Variants in PXDNL observed in about 807,000 individuals in gnomAD.
PXDNL encodes the protein peroxidasin like.
In PXDNL, 145 loss-of-function variants were observed where a neutral mutation model predicts 150.8. That is an observed-to-expected ratio of 0.96 (90% CI 0.84 to 1.10). The LOEUF (loss-of-function observed/expected upper bound fraction) is 1.10, where lower values mean the gene tolerates loss of function less well. Among genes scored for constraint, PXDNL ranks in the 50% least tolerant of loss-of-function variants. The pLI, the probability that PXDNL is intolerant of heterozygous loss-of-function variation, is 0.00. For missense variants in PXDNL, 2,087 were observed against 1,873.9 expected, an observed-to-expected ratio of 1.11 and a Z score of -2.10; for synonymous variants, 757 against 725.7, an observed-to-expected ratio of 1.04 and a Z score of -0.69.
intron 4 of PXDNL, among the ~76,000 whole-genome samples, chr8:51,512,365 A>C (rs1444452132): frequency 6.6e-6 from 1 of 152,210 alleles, no homozygotes; most frequent in Non-Finnish European, 1.5e-5. Context: ...AGAGAAGCAC[A>C]GAGAGAAATC....
chr8:51,668,176 C>CTTTTTTTTTTTT (rs71550279), intron 1 of PXDNL, among the ~76,000 whole-genome samples: 6,804 of 77,222 alleles, frequency 0.088, 1,971 homozygotes, highest in African/African-American at 0.19. Flanking sequence ...CTCGCTCTCT[C>CTTTTTTTTTTTT]TTTTTTTTTT....
chr8:51,766,638 C>T lies in PXDNL; in HGVS notation c.164+42543G>A, dbSNP rs117570892. ...TTGTTTGACAGTCATTTTCTTTCTA[C>T]GCTTTGAGTATGTCATCCCACTGCC... On this transcript the variant is annotated intron_variant, in intron 1 of 22. Transcript: ENST00000356297. Among the ~76,000 whole-genome samples, 61 of 152,196 alleles carry T rather than the reference C, an allele frequency of 4.0e-4. No individual in the cohort carries two copies. In the South Asian group the frequency reaches 5.8e-3, roughly 14 times the overall value.
chr8:51,746,618 G>A (rs989803369), intron 1 of PXDNL, among the ~76,000 whole-genome samples: 2 of 152,144 alleles, frequency 1.3e-5, no homozygotes, highest in Non-Finnish European at 2.9e-5. Context: ...CGTTTATCTC[G>A]GGGCTGTGGT....
intron 14 of PXDNL, among the ~76,000 whole-genome samples, chr8:51,422,251 T>G (rs1808974130): frequency 6.6e-6 from 1 of 152,182 alleles, no homozygotes; most frequent in Middle Eastern, 3.4e-3. Flanking sequence ...TACAATGTAA[T>G]AATAATAGAT....
At chr8:51,800,345 A>T (rs1585760120) in intron 1 of PXDNL, among the ~76,000 whole-genome samples, 2 of 152,152 alleles carry the variant, frequency 1.3e-5, no homozygotes, top group East Asian at 3.9e-4. Flanking sequence ...CCCTGAAGGA[A>T]CTCAGTCTCT....
rs543128955 is a variant in PXDNL, at chr8:51,355,965, A to G, written c.3902-10018T>C. On this transcript the variant is annotated intron_variant, in intron 19 of 22. Transcript: ENST00000356297. The stretch of plus-strand genomic sequence containing the variant: ...GTGAAAGAGATTTGGAGAAAATTAC[A>G]GAAAGTATAACGAAAGGAAAACTAA... Among the ~76,000 whole-genome samples the G allele has an allele frequency of 5.3e-5, 8 of 152,370 alleles. No individual in the cohort carries two copies. The South Asian group carries it at 1.7e-3, about 32-fold the overall frequency.
intron 2 of PXDNL, among the ~76,000 whole-genome samples, chr8:51,611,755 C>G (rs1814007673): frequency 6.6e-6 from 1 of 151,862 alleles, no homozygotes; most frequent in African/African-American, 2.4e-5. Flanking sequence ...GGGAGCACGG[C>G]TTTCTGGAAG....
chr8:51,717,726 C>T (rs1433656921), intron 1 of PXDNL, among the ~76,000 whole-genome samples: 2 of 152,190 alleles, frequency 1.3e-5, no homozygotes, highest in Non-Finnish European at 2.9e-5. Flanking sequence ...TGAGTGGGGC[C>T]AGGATAGGCC....
At chr8:51,609,920 G>A (rs184952945) in intron 2 of PXDNL, among the ~76,000 whole-genome samples, 125 of 152,276 alleles carry the variant, frequency 8.2e-4, no homozygotes, top group Admixed American at 5.4e-3. Flanking sequence ...GGGGTTCTCT[G>A]TCCCACTGTC....
chr8:51,636,040 G>A (rs1039516627), intron 2 of PXDNL, among the ~76,000 whole-genome samples: 2 of 152,092 alleles, frequency 1.3e-5, no homozygotes, highest in Non-Finnish European at 2.9e-5. Context: ...TGCAAGGATA[G>A]TTTAACATAA....
intron 1 of PXDNL, among the ~76,000 whole-genome samples, chr8:51,764,720 G>T (rs183239694): frequency 6.6e-6 from 1 of 152,110 alleles, no homozygotes; most frequent in African/African-American, 2.4e-5. Context: ...TGTTATATGG[G>T]CTACCATATG....
At chr8:51,509,239 T>C (rs532518597) in intron 4 of PXDNL, among the ~76,000 whole-genome samples, 57 of 152,302 alleles carry the variant, frequency 3.7e-4, no homozygotes, top group African/African-American at 1.3e-3. Flanking sequence ...ATGTCGTACA[T>C]TATAAATATA....
chr8:51,692,655 A>T (rs934128746), intron 1 of PXDNL, among the ~76,000 whole-genome samples: 5 of 152,274 alleles, frequency 3.3e-5, no homozygotes, highest in Non-Finnish European at 7.3e-5. Context: ...AGCTGCTTCC[A>T]GATGGACATA....
intron 4 of PXDNL, among the ~76,000 whole-genome samples, chr8:51,517,738 A>G (rs970782000): frequency 6.6e-6 from 1 of 152,238 alleles, no homozygotes; most frequent in Non-Finnish European, 1.5e-5. Context: ...AACTAGCTTC[A>G]GAGGGAGAGC....
chr8:51,609,105 T>A (rs557577570), intron 2 of PXDNL, among the ~76,000 whole-genome samples: 30 of 152,144 alleles, frequency 2.0e-4, no homozygotes, highest in Non-Finnish European at 3.2e-4. Context: ...AATGACAACC[T>A]TGAAAGAGAG....
At chr8:51,415,123 T>C (rs548366690) in intron 14 of PXDNL, among the ~76,000 whole-genome samples, 1 of 152,284 alleles carries the variant, frequency 6.6e-6, no homozygotes, top group Non-Finnish European at 1.5e-5. Context: ...CATCCAGTAA[T>C]TTCAATCCCA....
chr8:51,772,005 G>C (rs2037301179), intron 1 of PXDNL, among the ~76,000 whole-genome samples: 1 of 151,956 alleles, frequency 6.6e-6, no homozygotes, highest in Admixed American at 6.6e-5. Context: ...GAGGAGGTGT[G>C]GTCCAGTGGA....
intron 3 of PXDNL, among the ~76,000 whole-genome samples, chr8:51,573,668 C>T (rs570994328): frequency 1.5e-4 from 23 of 152,090 alleles, no homozygotes; most frequent in South Asian, 4.2e-4. Context: ...CTGACAATAA[C>T]GAGGCAGCAT....
chr8:51,663,171 G>A (rs1011287274), intron 1 of PXDNL, among the ~76,000 whole-genome samples: 8 of 152,168 alleles, frequency 5.3e-5, no homozygotes, highest in Admixed American at 1.3e-4. Flanking sequence ...AGTGGACCCG[G>A]GAAATGGCCC....
Sources: gnomAD v4.1 joint callset for allele counts (sites outside exome capture counted in the v4.1 genomes callset) on GRCh38, gnomAD v4.1.1 for gene constraint, MANE v1.5 for transcripts, NCBI Gene and HGNC (gene_info 2026-07-23, HGNC 2026-07-21) for gene names.